The following SNX14 variants were observed in gnomAD, a reference collection of about 807,000 sequenced individuals.
SNX14 encodes the protein sorting nexin-14.
SNX14 carries 93 observed loss-of-function variants against 133.8 expected under a neutral mutation model. That is an observed-to-expected ratio of 0.70 (90% CI 0.59 to 0.83). The LOEUF is 0.83. SNX14 is among the 40% of genes least tolerant of loss of function. The pLI, the probability that SNX14 is intolerant of heterozygous loss-of-function variation, is 0.00. For missense variants in SNX14, 945 were observed against 1,094.9 expected (o/e 0.86, Z 1.93); for synonymous variants, 368 against 365.6 (o/e 1.01, Z -0.07).
chr6:85,580,748 A>G (rs1338942067), intron 1 of SNX14, among the ~76,000 whole-genome samples: 1 of 152,160 alleles, frequency 6.6e-6, no homozygotes, highest in Admixed American at 6.5e-5. Context: ...GTGGTAGTTG[A>G]CACGGAGAGA....
chr6:85,545,798 C>T (rs1785277893), intron 12 of SNX14, among the ~76,000 whole-genome samples: 1 of 152,188 alleles, frequency 6.6e-6, no homozygotes, highest in Non-Finnish European at 1.5e-5. Context: ...ATTCTCCTGC[C>T]TCAGCCTCCT....
At chr6:85,539,093 A>C (rs985535714) in intron 15 of SNX14, among the ~76,000 whole-genome samples, 2 of 152,186 alleles carry the variant, frequency 1.3e-5, no homozygotes, top group Admixed American at 1.3e-4. Context: ...CATTACTAAA[A>C]ACGGTTCTTA....
intron 27 of SNX14, 84 bp from the exon 28 acceptor site, chr6:85,507,373 T>C: frequency 8.7e-7 from 1 of 1,151,586 alleles, no homozygotes; most frequent in Non-Finnish European, 1.3e-6. Context: ...AATTAAAGAT[T>C]GTGGTTACCT....
chr6:85,572,953 C>CA (rs368007542), intron 2 of SNX14, among the ~76,000 whole-genome samples: 74 of 151,744 alleles, frequency 4.9e-4, no homozygotes, highest in African/African-American at 1.6e-3. Context: ...TAGCCTGTCT[C>CA]AAAAAAAGGA....
intron 20 of SNX14, among the ~76,000 whole-genome samples, chr6:85,526,817 C>G (rs1778627270): frequency 6.6e-6 from 1 of 152,160 alleles, no homozygotes; most frequent in South Asian, 2.1e-4. Context: ...TGCCTGTAAT[C>G]CCAGCACTTT....
intron 7 of SNX14, among the ~76,000 whole-genome samples, chr6:85,557,326 G>A (rs1362356137): frequency 1.3e-5 from 2 of 152,076 alleles, no homozygotes; most frequent in Non-Finnish European, 2.9e-5. Flanking sequence ...TCTCAAATGA[G>A]GATTCCACTC....
At chr6:85,560,303 G>A (rs946254383) in intron 6 of SNX14, among the ~76,000 whole-genome samples, 3 of 152,096 alleles carry the variant, frequency 2.0e-5, no homozygotes, top group African/African-American at 7.2e-5. Context: ...GCCATAAAAA[G>A]AATGAAATAT....
In SNX14 at chr6:85,505,875, A is replaced by AAT. The variant is rs1368716785; in HGVS notation, c.*90_*91dup. ...TAAAATTTCAGACAGCGATGTACAT[A>AAT]ATATATATAAGAATATACCCAAAAA... On this transcript the variant is annotated 3_prime_UTR_variant, in exon 29 of 29. Transcript: ENST00000314673. 19 of 813,092 alleles carry AAT rather than the reference A, an allele frequency of 2.3e-5. No homozygotes were observed. Among genetic ancestry groups the AAT allele is most frequent in the Non-Finnish European group, 2.5e-5 (12 of 478,298 alleles). The allele number at this position is 813,092 out of a possible 1,614,324, so 50.4% of individuals were successfully genotyped here. A position where few individuals can be genotyped will look rare whatever the true frequency, so the allele number is the denominator to read the frequency against.
intron 18 of SNX14, among the ~76,000 whole-genome samples, chr6:85,530,589 G>A (rs984758797): frequency 4.0e-5 from 6 of 150,334 alleles, no homozygotes; most frequent in South Asian, 2.1e-4. Flanking sequence ...AGGTTGCAGC[G>A]AGCCGAGATT....
rs1178492434 is a variant in SNX14, at chr6:85,543,033, G to A, written c.1389+149C>T. ...TTCAGCCATCTCAGCCTTCCAAAGT[G>A]CTGGGATTATAGGCGTGAGCAACTG... is the stretch of plus-strand genomic sequence containing the variant. On this transcript the variant is annotated intron_variant, in intron 14 of 28. Coordinates refer to ENST00000314673, the MANE Select transcript of SNX14 (RefSeq NM_153816.6). 5 of 731,530 alleles carry A rather than the reference G, an allele frequency of 6.8e-6. No individual in the cohort carries two copies. The East Asian group carries it at 1.7e-4, about 25-fold the overall frequency. The allele number at this position is 731,530 out of a possible 1,614,324, so 45.3% of individuals were successfully genotyped here.
chr6:85,532,661 C>T (rs1009980321), intron 18 of SNX14, among the ~76,000 whole-genome samples: 2 of 152,110 alleles, frequency 1.3e-5, no homozygotes, highest in African/African-American at 2.4e-5. Context: ...TTTCGTTACA[C>T]TCACTGCCCC....
At chr6:85,557,902 A>G (rs1258736200) in intron 7 of SNX14, 74 bp downstream of exon 7, 2 of 800,126 alleles carry the variant, frequency 2.5e-6, no homozygotes, top group Non-Finnish European at 2.2e-6. Context: ...ATCAGTACTC[A>G]TATTTAGATA....
At chr6:85,517,580 A>G in intron 23 of SNX14, 176 bp downstream of exon 23, 1 of 580,002 alleles carries the variant, frequency 1.7e-6, no homozygotes, top group Non-Finnish European at 2.6e-6. Flanking sequence ...ATTAAAGCAA[A>G]GAACCAAGTA....
chr6:85,562,023 C>A (rs1402122173), intron 6 of SNX14, among the ~76,000 whole-genome samples: 1 of 152,108 alleles, frequency 6.6e-6, no homozygotes, highest in East Asian at 1.9e-4. Context: ...AAGTAGGTCA[C>A]CATGTCTATT....
intron 15 of SNX14, among the ~76,000 whole-genome samples, chr6:85,541,767 G>A (rs1301482735): frequency 6.6e-6 from 1 of 152,114 alleles, no homozygotes; most frequent in African/African-American, 2.4e-5. Context: ...AGATTAACAA[G>A]GCCACATTAT....
chr6:85,538,041 T>C (rs7775864), intron 16 of SNX14, among the ~76,000 whole-genome samples: 91,327 of 152,120 alleles, frequency 0.6, 27,707 homozygotes, highest in Admixed American at 0.68. Context: ...TTTGAATGCT[T>C]AAGTGTATAG....
chr6:85,549,321 T>C (rs1416343514), intron 8 of SNX14, among the ~76,000 whole-genome samples: 2 of 152,106 alleles, frequency 1.3e-5, no homozygotes, highest in East Asian at 1.9e-4. Context: ...GACCTCCAAT[T>C]CTTTTTCCCA....
At chr6:85,567,436 G>A (rs759569732) in intron 5 of SNX14, 98 bp downstream of exon 5, 127 of 907,294 alleles carry the variant, frequency 1.4e-4, no homozygotes, top group Non-Finnish European at 1.9e-4. Flanking sequence ...TGACAAAGTT[G>A]AGAAATCCTG....
chr6:85,574,675 G>C (rs941790601), intron 1 of SNX14, among the ~76,000 whole-genome samples: 3 of 152,106 alleles, frequency 2.0e-5, no homozygotes, highest in African/African-American at 7.2e-5. Context: ...TGATATTGTA[G>C]TATTCATATC....
Sources: gnomAD v4.1 joint callset for allele counts (sites outside exome capture counted in the v4.1 genomes callset) on GRCh38, gnomAD v4.1.1 for gene constraint, MANE v1.5 for transcripts, NCBI Gene and HGNC (gene_info 2026-07-23, HGNC 2026-07-21) for gene names.